The following SLC16A7 variants were observed in gnomAD, a reference collection of about 807,000 sequenced individuals.
The protein encoded by SLC16A7 is monocarboxylate transporter 2.
In SLC16A7, 33 loss-of-function variants were observed where a neutral mutation model predicts 34.9. That is an observed-to-expected ratio of 0.94 (90% CI 0.72 to 1.26). The LOEUF is 1.26. Among genes scored for constraint, SLC16A7 ranks in the 50% most tolerant of loss-of-function variants. The probability of loss-of-function intolerance (pLI) is 0.00; values close to 1 mark genes in which losing one functional copy is unlikely to be tolerated. For synonymous variants in SLC16A7, 201 were observed against 206.6 expected (o/e 0.97, Z 0.23); for missense variants, 573 against 578.1 (o/e 0.99, Z 0.09).
chr12:59,658,866 G>A (rs1565634139), intron 2 of SLC16A7, among the ~76,000 whole-genome samples: 1 of 152,006 alleles, frequency 6.6e-6, no homozygotes, highest in Admixed American at 6.6e-5. Flanking sequence ...ACATGGTTCA[G>A]AAATAATGAA....
chr12:59,647,448 A>G (rs1868266790), intron 1 of SLC16A7, among the ~76,000 whole-genome samples: 1 of 152,136 alleles, frequency 6.6e-6, no homozygotes, highest in African/African-American at 2.4e-5. Flanking sequence ...CCATGATTGT[A>G]AGTTTCCCAA....
chr12:59,670,118 A>G (rs1488012027), intron 2 of SLC16A7, among the ~76,000 whole-genome samples: 1 of 152,220 alleles, frequency 6.6e-6, no homozygotes, highest in Non-Finnish European at 1.5e-5. Context: ...TGCCTCTTCC[A>G]GCTTCTGGTA....
rs200349002 is a variant in SLC16A7, at chr12:59,671,785, GTATATGTA to G, written c.-31+16551_-31+16558del. On this transcript the variant is annotated intron_variant, in intron 2 of 5. Coordinates refer to ENST00000547379, the MANE Select transcript of SLC16A7 (RefSeq NM_001270623.2). ...TATGTATATATGTGTATATATATGT[GTATATGTA>G]TATATGTATATATGTGTATATATAT... Among the ~76,000 whole-genome samples the G allele has an allele frequency of 9.3e-4, 130 of 139,734 alleles. No individual in the cohort carries two copies. In the East Asian group the frequency reaches 0.021, roughly 22 times the overall value. The allele number at this position is 139,734 out of a possible 152,430, so 91.7% of individuals were successfully genotyped here.
At chr12:59,760,086 C>T (rs1318055370) in intron 3 of SLC16A7, among the ~76,000 whole-genome samples, 1 of 151,852 alleles carries the variant, frequency 6.6e-6, no homozygotes, top group African/African-American at 2.4e-5. Flanking sequence ...GAAACTATAC[C>T]CGTTATTACA....
Position 59,705,627 on chromosome 12 carries a change from G to T in SLC16A7, c.217+609G>T, listed in dbSNP as rs149272233. ...GGTATTAGTCATGAAGGATAATGAA[G>T]AAATCAAAGTACCATCCCACTTCTA... On this transcript the variant is annotated intron_variant, in intron 3 of 5. Coordinates refer to ENST00000547379, the MANE Select transcript of SLC16A7 (RefSeq NM_001270623.2). 1.4e-3 allele frequency among the ~76,000 whole-genome samples: 214 copies of T among 152,170 alleles called. 1 individual carries two copies. Among genetic ancestry groups the T allele is most frequent in the Middle Eastern group, 6.8e-3 (2 of 294 alleles).
In SLC16A7 at chr12:59,742,202, G is replaced by A. The variant is rs758850361; in HGVS notation, c.218-29017G>A. On this transcript the variant is annotated intron_variant, in intron 3 of 5. Coordinates refer to ENST00000547379, the MANE Select transcript of SLC16A7 (RefSeq NM_001270623.2). ...ATCTGAGGCTTTCTTCCCTTTTCTG[G>A]TAGAGTGCCCCTGGAAAGTCATATT... is the stretch of plus-strand genomic sequence containing the variant. 2.0e-5 allele frequency among the ~76,000 whole-genome samples: 3 copies of A among 152,120 alleles called. No homozygotes were observed. The South Asian group carries it at 6.2e-4, about 32-fold the overall frequency.
intron 3 of SLC16A7, among the ~76,000 whole-genome samples, chr12:59,751,167 C>T (rs1435522968): frequency 2.6e-5 from 4 of 152,168 alleles, no homozygotes; most frequent in East Asian, 1.9e-4. Context: ...CAGCTCCCAT[C>T]GTGAGCGACG....
In SLC16A7 at chr12:59,785,005, G is replaced by A. The variant is rs1311921790; in HGVS notation, c.*5326G>A. ...GAGCACTAATTAGCATCTATATTGA[G>A]AATATAAGATTAATATTACAAACTT... On this transcript the variant is annotated 3_prime_UTR_variant, in exon 6 of 6. Transcript: ENST00000547379. The A allele has an allele frequency of 6.6e-6, 1 of 152,040 alleles. No homozygotes were observed. Among genetic ancestry groups the A allele is most frequent in the Non-Finnish European group, 1.5e-5 (1 of 68,010 alleles). 9.4% of individuals were successfully genotyped at this position (152,040 alleles called of 1,614,324 possible).
chr12:59,618,717 G>T (rs541357840), intron 1 of SLC16A7, among the ~76,000 whole-genome samples: 140 of 151,974 alleles, frequency 9.2e-4, no homozygotes, highest in African/African-American at 3.4e-3. Flanking sequence ...TGGTAATAAA[G>T]TACACATAGA....
chr12:59,757,944 G>T (rs1465859851), intron 3 of SLC16A7, among the ~76,000 whole-genome samples: 2 of 151,956 alleles, frequency 1.3e-5, no homozygotes, highest in Admixed American at 6.6e-5. Context: ...TATGTTATCA[G>T]TAAAGCTTCC....
intron 2 of SLC16A7, among the ~76,000 whole-genome samples, chr12:59,662,109 A>C (rs575551640): frequency 1.3e-5 from 2 of 152,164 alleles, no homozygotes; most frequent in East Asian, 3.9e-4. Context: ...TGATTAATTT[A>C]CTGCCGTTTT....
intron 3 of SLC16A7, among the ~76,000 whole-genome samples, chr12:59,720,857 C>T (rs1002236407): frequency 2.6e-5 from 4 of 152,066 alleles, no homozygotes; most frequent in Non-Finnish European, 5.9e-5. Flanking sequence ...TCACTGCTTT[C>T]CATACCATTT....
intron 5 of SLC16A7, among the ~76,000 whole-genome samples, chr12:59,777,636 ATTTCT>A (rs1321932284): frequency 6.6e-6 from 1 of 150,706 alleles, no homozygotes; most frequent in Non-Finnish European, 1.5e-5. Flanking sequence ...TCCTTAAAAT[ATTTCT>A]TTTATTATTT....
chr12:59,604,131 T>C lies in SLC16A7; in HGVS notation c.-130+7895T>C, dbSNP rs143711047. On this transcript the variant is annotated intron_variant, in intron 1 of 5. Transcript: ENST00000547379. Reference sequence around the variant, plus strand: ...GCTGTATTGTGGAGTAATTCAACTTTAGGAAAGTCCACAAATGCATAGAAT... The same window carrying C: ...GCTGTATTGTGGAGTAATTCAACTTCAGGAAAGTCCACAAATGCATAGAAT... 4.4e-3 allele frequency among the ~76,000 whole-genome samples: 668 copies of C among 152,370 alleles called. 1 individual carries two copies. The highest frequency in any genetic ancestry group is 7.7e-3 in the Admixed American group (118 of 15,304).
chr12:59,633,294 A>G (rs1880267509), intron 1 of SLC16A7, among the ~76,000 whole-genome samples: 1 of 152,006 alleles, frequency 6.6e-6, no homozygotes, highest in Non-Finnish European at 1.5e-5. Flanking sequence ...AGAAACTGCA[A>G]TTTGTGCATT....
chr12:59,684,195 A>G (rs1457471738), intron 2 of SLC16A7, among the ~76,000 whole-genome samples: 1 of 152,248 alleles, frequency 6.6e-6, no homozygotes. Flanking sequence ...TTCTAGGCTC[A>G]GAGAAATATA....
intron 2 of SLC16A7, among the ~76,000 whole-genome samples, chr12:59,669,635 C>T (rs1187732495): frequency 7.2e-6 from 1 of 139,812 alleles, no homozygotes; most frequent in African/African-American, 2.7e-5. Context: ...GGCTCTTTAG[C>T]AGTTACCCAT....
At chr12:59,739,729 T>A (rs1034395849) in intron 3 of SLC16A7, among the ~76,000 whole-genome samples, 10 of 152,128 alleles carry the variant, frequency 6.6e-5, no homozygotes, top group Non-Finnish European at 1.3e-4. Context: ...TTTTAATGAT[T>A]GCCATTCTAA....
At chr12:59,681,965 A>G (rs756126727) in intron 2 of SLC16A7, among the ~76,000 whole-genome samples, 2 of 152,124 alleles carry the variant, frequency 1.3e-5, no homozygotes, top group African/African-American at 2.4e-5. Flanking sequence ...ACACAGCTTC[A>G]TTCCCCAAGG....
Sources: allele counts gnomAD v4.1 joint callset (sites outside exome capture counted in the v4.1 genomes callset), GRCh38; gene constraint gnomAD v4.1.1; transcripts MANE v1.5; gene names NCBI Gene and HGNC (gene_info 2026-07-23, HGNC 2026-07-21).